The following ZEB1 variants were observed in gnomAD, a reference collection of about 807,000 sequenced individuals.
ZEB1 encodes the protein zinc finger E-box binding homeobox 1.
Under a neutral mutation model 84.9 loss-of-function variants are expected in ZEB1, and 21 were observed. That is an observed-to-expected ratio of 0.25 (90% confidence interval 0.18 to 0.36). The LOEUF is 0.36. ZEB1 is among the 10% of genes least tolerant of loss of function. The probability of loss-of-function intolerance (pLI) is 1.00; values close to 1 mark genes in which losing one functional copy is unlikely to be tolerated. For synonymous variants in ZEB1, 420 were observed against 471.1 expected (o/e 0.89, Z 1.41); for missense variants, 1,104 against 1,330.2 (o/e 0.83, Z 2.65).
chr10:31,487,018 A>G (rs567402989), intron 2 of ZEB1, among the ~76,000 whole-genome samples: 8 of 151,470 alleles, frequency 5.3e-5, no homozygotes, highest in Middle Eastern at 3.4e-3. Flanking sequence ...TGAAAAGACT[A>G]TTCTTTCTCT....
chr10:31,423,663 T>C (rs2056530171), intron 1 of ZEB1, among the ~76,000 whole-genome samples: 1 of 152,150 alleles, frequency 6.6e-6, no homozygotes, highest in African/African-American at 2.4e-5. Flanking sequence ...TTGAGTTATC[T>C]ATAAGCGGCT....
intron 1 of ZEB1, among the ~76,000 whole-genome samples, chr10:31,338,960 C>T (rs951452647): frequency 1.3e-5 from 2 of 152,058 alleles, no homozygotes; most frequent in African/African-American, 4.8e-5. Flanking sequence ...GGGAAATTCT[C>T]ATAGTAAAAT....
intron 1 of ZEB1, among the ~76,000 whole-genome samples, chr10:31,365,652 T>C (rs983526261): frequency 5.9e-5 from 9 of 152,142 alleles, no homozygotes; most frequent in Non-Finnish European, 1.2e-4. Flanking sequence ...GCCTCTATCT[T>C]TAAGGAGCTA....
intron 1 of ZEB1, among the ~76,000 whole-genome samples, chr10:31,432,289 TTTAA>T (rs1380217431): frequency 6.6e-6 from 1 of 152,204 alleles, no homozygotes; most frequent in Admixed American, 6.5e-5. Flanking sequence ...TATTTAGAAA[TTTAA>T]TTAACTAATT....
intron 2 of ZEB1, among the ~76,000 whole-genome samples, chr10:31,478,651 C>T (rs1172654282): frequency 1.3e-5 from 2 of 151,772 alleles, no homozygotes; most frequent in East Asian, 3.9e-4. Flanking sequence ...CCATATATAC[C>T]ATGAAATACT....
chr10:31,469,405 G>C (rs530665702), intron 2 of ZEB1, among the ~76,000 whole-genome samples: 106 of 150,344 alleles, frequency 7.1e-4, no homozygotes, highest in African/African-American at 2.4e-3. Flanking sequence ...CTCGGGAAGC[G>C]CAAGGGGTCA....
intron 1 of ZEB1, among the ~76,000 whole-genome samples, chr10:31,459,045 G>A (rs552877853): frequency 9.9e-5 from 15 of 152,032 alleles, no homozygotes; most frequent in Admixed American, 2.6e-4. Context: ...AACACTTATA[G>A]CTTACAGTTG....
In ZEB1 at chr10:31,398,604, G is replaced by T. The variant is rs185067587; in HGVS notation, c.59-62433G>T. Among the ~76,000 whole-genome samples the T allele has an allele frequency of 3.9e-5, 6 of 152,170 alleles. No homozygotes were observed. The East Asian group carries it at 1.2e-3, about 29-fold the overall frequency. ...TTCATGTAAAGCCTATATCTCTGAA[G>T]TATGTAGTTGCCTGTGCTGTCTGAA... is the stretch of plus-strand genomic sequence containing the variant. On this transcript the variant is annotated intron_variant, in intron 1 of 8. Transcript: ENST00000424869.
At chr10:31,429,981 T>C (rs1253628214) in intron 1 of ZEB1, among the ~76,000 whole-genome samples, 1 of 152,026 alleles carries the variant, frequency 6.6e-6, no homozygotes, top group Non-Finnish European at 1.5e-5. Flanking sequence ...CGTCAGGTGA[T>C]CCACCCGCCT....
At position 31,478,610 on chromosome 10, in the gene ZEB1, T is replaced by C. The variant is rs1242022137; in HGVS notation, c.260-17166T>C. Among the ~76,000 whole-genome samples the C allele has an allele frequency of 2.0e-5, 3 of 152,062 alleles. No homozygotes were observed. In the East Asian group the frequency reaches 5.8e-4, roughly 29 times the overall value. Reference sequence around the variant, plus strand: ...GTCATGGAATCAACCTAAGTGTATATCAGTGGATAATTGGATAAAGAAAAT... The same window carrying C: ...GTCATGGAATCAACCTAAGTGTATACCAGTGGATAATTGGATAAAGAAAAT... On this transcript the variant is annotated intron_variant, in intron 2 of 8. Coordinates refer to ENST00000424869, the MANE Select transcript of ZEB1 (RefSeq NM_001174096.2).
intron 1 of ZEB1, among the ~76,000 whole-genome samples, chr10:31,433,952 G>T (rs1015862016): frequency 4.9e-4 from 75 of 152,276 alleles, no homozygotes; most frequent in African/African-American, 1.7e-3. Flanking sequence ...ATGGAGGAAA[G>T]AAATTGCTTT....
Position 31,383,965 on chromosome 10 carries a change from CTTTTTTTTTTT to C in ZEB1, c.58+64689_58+64699del, listed in dbSNP as rs66865546. 3.2e-3 allele frequency among the ~76,000 whole-genome samples: 178 copies of C among 56,412 alleles called. 1 individual carries two copies. Among genetic ancestry groups the C allele is most frequent in the Non-Finnish European group, 4.8e-3 (148 of 30,724 alleles). The allele number at this position is 56,412 out of a possible 152,430, so 37.0% of individuals were successfully genotyped here. On this transcript the variant is annotated intron_variant, in intron 1 of 8. Coordinates refer to ENST00000424869, the MANE Select transcript of ZEB1 (RefSeq NM_001174096.2). ...CCTACTCCTGTAACTTAGATTAGTG[CTTTTTTTTTTT>C]TTTTTTTTTTTTTTTGAGATAGAGT...
chr10:31,520,992 A>C lies in ZEB1; in HGVS notation c.1660A>C (p.Lys554Gln). 1 of 1,614,088 alleles carries C rather than the reference A, an allele frequency of 6.2e-7. No homozygotes were observed. ...TCCAGAATTAAAGCACTATGACCTA[A>C]AGCAGCCTACTCAGCCTCCTCCACT... is the stretch of plus-strand genomic sequence containing the variant. ...ALPELKHYDL[K>Q]QPTQPPPLPA... The change falls in exon 7 of 9, where the codon AAG (lysine) becomes CAG (glutamine). Residue 554 changes from lysine to glutamine, a missense_variant. By Grantham distance (53) the Lys-to-Gln change is moderately conservative. This residue lies in a region of ZEB1 where 531 missense variants were observed against 575.2 expected (regional missense o/e 0.92). Coordinates refer to ENST00000424869, the MANE Select transcript of ZEB1 (RefSeq NM_001174096.2). This position sits in a 1 kb window ranked among gnomAD's most constrained non-coding sequence, Gnocchi z 5.1.
chr10:31,402,350 C>T (rs1337315182), intron 1 of ZEB1, among the ~76,000 whole-genome samples: 1 of 151,848 alleles, frequency 6.6e-6, no homozygotes, highest in Admixed American at 6.6e-5. Flanking sequence ...AAAGTATTAT[C>T]CTGAGTGGCT....
intron 1 of ZEB1, chr10:31,358,669 A>G (rs1256820988): frequency 1.3e-5 from 2 of 152,194 alleles, no homozygotes; most frequent in Non-Finnish European, 2.9e-5. Context: ...TTATGGGATA[A>G]TTTACAAAGC....
chr10:31,498,942 CT>C (rs767475829), intron 3 of ZEB1, among the ~76,000 whole-genome samples: 3 of 151,398 alleles, frequency 2.0e-5, no homozygotes, highest in African/African-American at 2.4e-5. Flanking sequence ...CATTCAGTTT[CT>C]TTTTTTTAGC....
intron 2 of ZEB1, among the ~76,000 whole-genome samples, chr10:31,464,703 A>G (rs2062187555): frequency 6.6e-6 from 1 of 152,250 alleles, no homozygotes; most frequent in South Asian, 2.1e-4. Context: ...AAACCTGTCA[A>G]GCAAGGAGAA....
At chr10:31,446,877 A>G (rs1324007026) in intron 1 of ZEB1, among the ~76,000 whole-genome samples, 1 of 152,048 alleles carries the variant, frequency 6.6e-6, no homozygotes, top group Admixed American at 6.6e-5. Context: ...TGCTGAAAAA[A>G]ATGTATATTC....
intron 1 of ZEB1, among the ~76,000 whole-genome samples, chr10:31,438,939 A>G (rs564382036): frequency 6.6e-6 from 1 of 152,342 alleles, no homozygotes; most frequent in South Asian, 2.1e-4. Context: ...ATCCCAGTTC[A>G]GTTTTCTAAA....
Sources: allele counts gnomAD v4.1 joint callset (sites outside exome capture counted in the v4.1 genomes callset), GRCh38; gene constraint gnomAD v4.1.1; regional missense constraint gnomAD v4.1.1; non-coding constraint Gnocchi (gnomAD v3.1); transcripts MANE v1.5; gene names NCBI Gene and HGNC (gene_info 2026-07-23, HGNC 2026-07-21).